ACVR1C: variants seen among roughly 807,000 people sequenced by gnomAD.
The protein encoded by ACVR1C is activin A receptor type 1C.
Under a neutral mutation model 57.9 loss-of-function variants are expected in ACVR1C, and 23 were observed. The observed-to-expected ratio is 0.40, with a 90% CI of 0.29 to 0.56. The LOEUF (loss-of-function observed/expected upper bound fraction) is 0.56. Among genes scored for constraint, ACVR1C ranks in the 20% least tolerant of loss-of-function variants. The pLI, the probability that ACVR1C is intolerant of heterozygous loss-of-function variation, is 0.50. For synonymous variants in ACVR1C, 214 were observed against 215.3 expected (o/e 0.99, Z 0.05); for missense variants, 480 against 607.9 (o/e 0.79, Z 2.21).
Position 157,538,557 on chromosome 2 carries a change from A to T in ACVR1C, c.1356+16T>A. ...AAAATATAATAAGAAAAATATAGAT[A>T]AAAACATGGCCTTACTTCACAACTT... On this transcript the variant is annotated intron_variant, in intron 8 of 8. Coordinates refer to ENST00000243349, the MANE Select transcript of ACVR1C (RefSeq NM_145259.3). 6.5e-7 allele frequency: 1 copy of T among 1,540,746 alleles called. No homozygotes were observed. The highest frequency in any genetic ancestry group is 8.7e-7 in the Non-Finnish European group (1 of 1,151,150).
chr2:157,581,441 G>T (rs534109116), intron 2 of ACVR1C, among the ~76,000 whole-genome samples: 1 of 152,166 alleles, frequency 6.6e-6, no homozygotes, highest in East Asian at 1.9e-4. Flanking sequence ...ACTGATTAGG[G>T]GGCTTACAGA....
intron 1 of ACVR1C, among the ~76,000 whole-genome samples, chr2:157,612,096 C>A (rs1682548140): frequency 6.6e-6 from 1 of 152,154 alleles, no homozygotes; most frequent in Non-Finnish European, 1.5e-5. Flanking sequence ...TGTATTCAGG[C>A]CACACACCAG....
At chr2:157,591,836 C>T (rs538695431) in intron 1 of ACVR1C, among the ~76,000 whole-genome samples, 2 of 152,092 alleles carry the variant, frequency 1.3e-5, no homozygotes, top group Admixed American at 1.3e-4. Context: ...TCACTATCTC[C>T]ATTTCATACA....
intron 1 of ACVR1C, among the ~76,000 whole-genome samples, chr2:157,614,626 T>A (rs992178970): frequency 5.3e-5 from 8 of 152,212 alleles, no homozygotes. Context: ...TAAAGATGTG[T>A]CTATTTCCCT....
intron 8 of ACVR1C, among the ~76,000 whole-genome samples, chr2:157,536,007 T>C (rs1687478489): frequency 6.6e-6 from 1 of 151,970 alleles, no homozygotes; most frequent in African/African-American, 2.4e-5. Context: ...TGCTCTAAAA[T>C]AAAGGTTCAG....
chr2:157,578,060 G>A (rs1688706396), intron 2 of ACVR1C, among the ~76,000 whole-genome samples: 1 of 151,886 alleles, frequency 6.6e-6, no homozygotes, highest in Admixed American at 6.6e-5. Context: ...ATGCCACCGT[G>A]CCTGACTAAT....
intron 2 of ACVR1C, among the ~76,000 whole-genome samples, chr2:157,576,203 CTT>C (rs10628650): frequency 3.1e-5 from 3 of 97,916 alleles, no homozygotes; most frequent in Non-Finnish European, 3.9e-5. Context: ...ATAATCATTT[CTT>C]TTTTTTTTTT....
At chr2:157,534,086 C>A in intron 8 of ACVR1C, 43 bp from the exon 9 acceptor site, 3 of 1,427,274 alleles carry the variant, frequency 2.1e-6, no homozygotes, top group Non-Finnish European at 2.8e-6. Flanking sequence ...AGCTACTCTA[C>A]ATAAAACAGA....
chr2:157,533,937 T>G lies in ACVR1C; in HGVS notation c.1463A>C (p.Lys488Thr), dbSNP rs1461190994. 6.3e-7 allele frequency: 1 copy of G among 1,583,106 alleles called. No individual in the cohort carries two copies. The highest frequency in any genetic ancestry group is 8.6e-7 in the Non-Finnish European group (1 of 1,169,164). Reference sequence around the variant, plus strand: ...TCATCATTAGGCTTTGCAGTCTTCTTTGACACAAAGTTGAGATATAGTCTT... The same window carrying G: ...TCATCATTAGGCTTTGCAGTCTTCTGTGACACAAAGTTGAGATATAGTCTT... ...IKKTISQLCVKEDCKA is the reference protein window; with the variant it reads ...IKKTISQLCVTEDCKA Residue 488 changes from lysine (K) to threonine (T), a missense_variant, in exon 9 of 9, where the codon AAA (lysine) becomes ACA (threonine). Coordinates refer to ENST00000243349, the MANE Select transcript of ACVR1C (RefSeq NM_145259.3).
chr2:157,544,403 C>T, intron 5 of ACVR1C, 42 bp downstream of exon 5: 1 of 1,551,672 alleles, frequency 6.4e-7, no homozygotes, highest in Non-Finnish European at 8.7e-7. Context: ...TACCTCTATC[C>T]TCATATTCAA....
At chr2:157,582,506 T>G (rs1004929014) in intron 2 of ACVR1C, among the ~76,000 whole-genome samples, 1 of 152,178 alleles carries the variant, frequency 6.6e-6, no homozygotes, top group African/African-American at 2.4e-5. Context: ...TTTTAAAAAT[T>G]TAATATCCAT....
At chr2:157,587,504 T>A in intron 1 of ACVR1C, 87 bp from the exon 2 acceptor site, 1 of 1,038,768 alleles carries the variant, frequency 9.6e-7, no homozygotes, top group Non-Finnish European at 1.4e-6. Context: ...AATTCAATCT[T>A]AATGAAAATG....
chr2:157,532,846 TTTTC>T lies in ACVR1C; in HGVS notation c.*1068_*1071del, dbSNP rs1687389431. The T allele has an allele frequency of 6.6e-6, 1 of 152,204 alleles. No homozygotes were observed. Among genetic ancestry groups the T allele is most frequent in the East Asian group, 1.9e-4 (1 of 5,208 alleles). The allele number at this position is 152,204 out of a possible 1,614,324, so 9.4% of individuals were successfully genotyped here. On this transcript the variant is annotated 3_prime_UTR_variant, in exon 9 of 9. Transcript: ENST00000243349. The stretch of plus-strand genomic sequence containing the variant: ...CCTTCCTTCCTCTTCCTTTTCTGTC[TTTTC>T]TTTCTAAGTGTGTATGTACAAAGGA...
At chr2:157,562,222 T>G (rs1019632935) in intron 2 of ACVR1C, among the ~76,000 whole-genome samples, 42 of 150,422 alleles carry the variant, frequency 2.8e-4, no homozygotes, top group African/African-American at 1.0e-3. Flanking sequence ...TTGAACCCAG[T>G]AGGTAGAGGT....
chr2:157,538,055 TTAAC>T (rs1687530233), intron 8 of ACVR1C, among the ~76,000 whole-genome samples: 1 of 152,118 alleles, frequency 6.6e-6, no homozygotes, highest in Non-Finnish European at 1.5e-5. Flanking sequence ...GGCAGAGACA[TTAAC>T]TACCCACTGA....
chr2:157,545,100 TA>T (rs1316675829), intron 4 of ACVR1C, among the ~76,000 whole-genome samples: 1 of 152,200 alleles, frequency 6.6e-6, no homozygotes, highest in Non-Finnish European at 1.5e-5. Context: ...TTTCAAAATA[TA>T]GAGTTGATTA....
intron 8 of ACVR1C, among the ~76,000 whole-genome samples, chr2:157,537,285 G>C (rs1687514063): frequency 6.6e-6 from 1 of 151,858 alleles, no homozygotes; most frequent in East Asian, 1.9e-4. Flanking sequence ...AATCTTCAAA[G>C]GTATTGAAAA....
At chr2:157,620,944 G>A (rs1415294083) in intron 1 of ACVR1C, among the ~76,000 whole-genome samples, 1 of 152,062 alleles carries the variant, frequency 6.6e-6, no homozygotes, top group African/African-American at 2.4e-5. Context: ...TTAACCATGA[G>A]ATAACAACGA....
chr2:157,604,686 C>T (rs186678731), intron 1 of ACVR1C, among the ~76,000 whole-genome samples: 310 of 151,978 alleles, frequency 2.0e-3, no homozygotes, highest in Non-Finnish European at 3.3e-3. Context: ...TTTTACATTT[C>T]CACCAGTAAT....
Sources: allele counts gnomAD v4.1 joint callset (sites outside exome capture counted in the v4.1 genomes callset), GRCh38; gene constraint gnomAD v4.1.1; transcripts MANE v1.5; gene names NCBI Gene and HGNC (gene_info 2026-07-23, HGNC 2026-07-21).